LRRC7: variants seen among roughly 807,000 people sequenced by gnomAD.
LRRC7 encodes the protein leucine rich repeat containing 7.
Under a neutral mutation model 175.7 loss-of-function variants are expected in LRRC7, and 23 were observed. The ratio of observed to expected loss-of-function variants is 0.13; its 90% CI spans 0.09 to 0.19. The LOEUF (loss-of-function observed/expected upper bound fraction) is 0.19. LRRC7 is among the 10% of genes least tolerant of loss of function. The pLI is 1.00. For missense variants in LRRC7, 1,354 were observed against 1,904.7 expected (o/e 0.71, Z 5.38); for synonymous variants, 685 against 680.9 (o/e 1.01, Z -0.09).
At chr1:69,629,208 T>C (rs1448190093) in intron 1 of LRRC7, among the ~76,000 whole-genome samples, 3 of 152,028 alleles carry the variant, frequency 2.0e-5, no homozygotes, top group Non-Finnish European at 4.4e-5. Context: ...GCAAAAAACA[T>C]AACTGAGAAA....
Position 70,122,093 on chromosome 1 carries a change from G to A in LRRC7, c.*206G>A, listed in dbSNP as rs1666239601. 4 of 403,676 alleles carry A rather than the reference G, an allele frequency of 9.9e-6. No homozygotes were observed. The highest frequency in any genetic ancestry group is 4.5e-5 in the Admixed American group (1 of 22,432). 25.0% of individuals were successfully genotyped at this position (403,676 alleles called of 1,614,324 possible). A position where few individuals can be genotyped will look rare whatever the true frequency, so the allele number is the denominator to read the frequency against. On this transcript the variant is annotated 3_prime_UTR_variant, in exon 27 of 27. Coordinates refer to ENST00000651989, the MANE Select transcript of LRRC7 (RefSeq NM_001370785.2). ...ATGTGGTTATGTATTAGTTTTAATT[G>A]TCAGCCTCTGGCTGTGCATTGGTGC...
At chr1:70,037,415 G>A (rs191361521) in intron 20 of LRRC7, among the ~76,000 whole-genome samples, 16 of 152,196 alleles carry the variant, frequency 1.1e-4, no homozygotes, top group African/African-American at 3.4e-4. Context: ...CATTATCTCA[G>A]TATCTGCTAG....
intron 1 of LRRC7, among the ~76,000 whole-genome samples, chr1:69,582,083 T>TG: frequency 6.6e-6 from 1 of 152,318 alleles, no homozygotes; most frequent in Middle Eastern, 3.4e-3. Flanking sequence ...ACATTTTTTT[T>TG]CACTGCTGAG....
intron 26 of LRRC7, among the ~76,000 whole-genome samples, chr1:70,121,225 A>C (rs1666189721): frequency 6.6e-6 from 1 of 152,076 alleles, no homozygotes; most frequent in African/African-American, 2.4e-5. Flanking sequence ...AACCACTCCT[A>C]TAGATAATAA....
chr1:69,955,189 A>G (rs931915892), intron 8 of LRRC7, among the ~76,000 whole-genome samples: 1 of 152,020 alleles, frequency 6.6e-6, no homozygotes, highest in Admixed American at 6.6e-5. Flanking sequence ...TTCTCAATAT[A>G]CAAAAGTAAA....
chr1:69,723,407 A>G (rs1666586028), intron 2 of LRRC7, among the ~76,000 whole-genome samples: 1 of 152,180 alleles, frequency 6.6e-6, no homozygotes, highest in South Asian at 2.1e-4. Context: ...GTCTCAAAAT[A>G]CCAAAAATGG....
rs576647605 is a variant in LRRC7 at position 69,871,458 on chromosome 1, C to T, written c.647+33175C>T. On this transcript the variant is annotated intron_variant, in intron 7 of 26. Coordinates refer to ENST00000651989, the MANE Select transcript of LRRC7 (RefSeq NM_001370785.2). ...GTTTCAGAATCATTCAAAAATGCAC[C>T]GAATGCATAATTATATTCAGTTTGT... Among the ~76,000 whole-genome samples the T allele has an allele frequency of 5.0e-4, 74 of 149,432 alleles. 2 individuals carry two copies. Among genetic ancestry groups the T allele is most frequent in the African/African-American group, 1.6e-3 (67 of 41,310 alleles).
intron 5 of LRRC7, among the ~76,000 whole-genome samples, chr1:69,832,067 A>G (rs1680585853): frequency 6.6e-6 from 1 of 152,202 alleles, no homozygotes; most frequent in Non-Finnish European, 1.5e-5. Context: ...ATTCCCCAGA[A>G]GCAGACGTTT....
chr1:69,691,041 G>T (rs531931508), intron 2 of LRRC7, among the ~76,000 whole-genome samples: 1 of 152,152 alleles, frequency 6.6e-6, no homozygotes, highest in East Asian at 1.9e-4. Flanking sequence ...GTTTCATAAT[G>T]TTCAGGAAGT....
At position 69,781,688 on chromosome 1, in the gene LRRC7, GA is replaced by G. The variant is rs112404404; in HGVS notation, c.304-10353del. 1.8e-4 allele frequency among the ~76,000 whole-genome samples: 8 copies of G among 43,952 alleles called. No homozygotes were observed. The South Asian group carries it at 2.2e-3, about 12-fold the overall frequency. The allele number at this position is 43,952 out of a possible 152,430, so 28.8% of individuals were successfully genotyped here. A position where few individuals can be genotyped will look rare whatever the true frequency, so the allele number is the denominator to read the frequency against. On this transcript the variant is annotated intron_variant, in intron 3 of 26. Coordinates refer to ENST00000651989, the MANE Select transcript of LRRC7 (RefSeq NM_001370785.2). ...CAGAGCAAGACTGTCTCAAAAAAAA[GA>G]AGAAAGAAAGAAAGAAAGAAAGAAA...
intron 8 of LRRC7, among the ~76,000 whole-genome samples, chr1:69,935,273 A>G (rs1001407976): frequency 3.3e-5 from 5 of 152,198 alleles, no homozygotes; most frequent in African/African-American, 1.2e-4. Context: ...CTATTTCAAG[A>G]AGGACCTAAT....
intron 2 of LRRC7, among the ~76,000 whole-genome samples, chr1:69,753,632 T>C (rs1349332023): frequency 6.6e-6 from 1 of 152,044 alleles, no homozygotes; most frequent in East Asian, 1.9e-4. Flanking sequence ...ATAAAAGTAA[T>C]TAGTCATATT....
chr1:69,943,975 CACACACACACACAA>C (rs939886548), intron 8 of LRRC7, among the ~76,000 whole-genome samples: 1 of 117,054 alleles, frequency 8.5e-6, no homozygotes, highest in Non-Finnish European at 2.0e-5. Context: ...CACACACACA[CACACACACACACAA>C]CATGAGATTT....
intron 2 of LRRC7, among the ~76,000 whole-genome samples, chr1:69,706,645 G>A (rs1359854018): frequency 6.6e-6 from 1 of 152,256 alleles, no homozygotes; most frequent in East Asian, 1.9e-4. Flanking sequence ...TGAAAGTCAG[G>A]CAGAGGAGAT....
At chr1:69,844,165 G>A (rs1184297285) in intron 7 of LRRC7, among the ~76,000 whole-genome samples, 2 of 152,038 alleles carry the variant, frequency 1.3e-5, no homozygotes, top group African/African-American at 2.4e-5. Flanking sequence ...TTTTTATTGT[G>A]TTCTTCAATT....
At chr1:69,954,972 T>C (rs1461495146) in intron 8 of LRRC7, among the ~76,000 whole-genome samples, 1 of 152,064 alleles carries the variant, frequency 6.6e-6, no homozygotes, top group Admixed American at 6.6e-5. Flanking sequence ...CATTCTTACA[T>C]GGAAGAGAGA....
chr1:69,718,591 C>A (rs1666003626), intron 2 of LRRC7, among the ~76,000 whole-genome samples: 1 of 151,576 alleles, frequency 6.6e-6, no homozygotes, highest in Non-Finnish European at 1.5e-5. Context: ...ATAGAAGCTG[C>A]CAGAATTTTA....
At chr1:69,767,459 T>C (rs2100972301) in intron 3 of LRRC7, among the ~76,000 whole-genome samples, 1 of 152,196 alleles carries the variant, frequency 6.6e-6, no homozygotes, top group South Asian at 2.1e-4. Flanking sequence ...TTATTTTTAT[T>C]TATTTATTTT....
chr1:69,706,884 T>A (rs915639713), intron 2 of LRRC7, among the ~76,000 whole-genome samples: 2 of 152,202 alleles, frequency 1.3e-5, no homozygotes, highest in African/African-American at 4.8e-5. Context: ...AAATCTCAAG[T>A]GGTTCCTACT....
Sources: gnomAD v4.1 joint callset for allele counts (sites outside exome capture counted in the v4.1 genomes callset) on GRCh38, gnomAD v4.1.1 for gene constraint, MANE v1.5 for transcripts, NCBI Gene and HGNC (gene_info 2026-07-23, HGNC 2026-07-21) for gene names.